Variants in SYT14 observed in about 807,000 individuals in gnomAD.
The protein encoded by SYT14 is synaptotagmin-14.
In SYT14, 32 loss-of-function variants were observed where a neutral mutation model predicts 74.2. That is an observed-to-expected ratio of 0.43 (90% CI 0.33 to 0.58). The LOEUF (loss-of-function observed/expected upper bound fraction) is 0.58, where lower values mean the gene tolerates loss of function less well. SYT14 is among the 20% of genes least tolerant of loss of function. The pLI, the probability that SYT14 is intolerant of heterozygous loss-of-function variation, is 0.05. For missense variants in SYT14, 791 were observed against 981.8 expected (o/e 0.81, Z 2.60); for synonymous variants, 298 against 337.7 (o/e 0.88, Z 1.29).
chr1:210,072,807 A>C (rs535801246), intron 5 of SYT14, among the ~76,000 whole-genome samples: 42 of 152,110 alleles, frequency 2.8e-4, no homozygotes, highest in African/African-American at 9.6e-4. Flanking sequence ...CAAATGATAC[A>C]GTAGTTAAAA....
intron 5 of SYT14, among the ~76,000 whole-genome samples, chr1:210,059,744 C>T (rs2081174023): frequency 6.6e-6 from 1 of 152,046 alleles, no homozygotes; most frequent in South Asian, 2.1e-4. Flanking sequence ...AAAGATATCT[C>T]CTTTTCTTAT....
chr1:210,065,819 G>A (rs2081285168), intron 5 of SYT14, among the ~76,000 whole-genome samples: 1 of 151,694 alleles, frequency 6.6e-6, no homozygotes, highest in African/African-American at 2.4e-5. Context: ...TTGGTGTGCT[G>A]CACCCATTAA....
intron 5 of SYT14, among the ~76,000 whole-genome samples, chr1:210,067,056 AGACT>A (rs1367549147): frequency 6.6e-6 from 1 of 151,950 alleles, no homozygotes; most frequent in African/African-American, 2.4e-5. Context: ...CATTTGTTGA[AGACT>A]GTTCTTTCCC....
intron 5 of SYT14, among the ~76,000 whole-genome samples, chr1:210,042,657 A>G (rs1331669671): frequency 2.0e-5 from 3 of 152,164 alleles, no homozygotes; most frequent in Non-Finnish European, 1.5e-5. Flanking sequence ...TTTGTCAAAG[A>G]TCAGATGGTT....
chr1:210,068,729 A>C (rs1194639256), intron 5 of SYT14, among the ~76,000 whole-genome samples: 3 of 151,740 alleles, frequency 2.0e-5, no homozygotes, highest in Admixed American at 2.0e-4. Flanking sequence ...GTTTTTAAAA[A>C]ATAATTCTTT....
At chr1:210,128,473 ATATT>A (rs1005713451) in intron 7 of SYT14, among the ~76,000 whole-genome samples, 2 of 152,206 alleles carry the variant, frequency 1.3e-5, no homozygotes, top group African/African-American at 4.8e-5. Context: ...CTCATATACA[ATATT>A]TATTTTTCCT....
At chr1:210,155,326 T>G (rs2083246470) in intron 7 of SYT14, among the ~76,000 whole-genome samples, 1 of 152,226 alleles carries the variant, frequency 6.6e-6, no homozygotes, top group Admixed American at 6.5e-5. Flanking sequence ...GTAGTTTTGT[T>G]TTGTTTATTT....
At chr1:210,100,765 T>C (rs990288678) in intron 7 of SYT14, among the ~76,000 whole-genome samples, 3 of 151,710 alleles carry the variant, frequency 2.0e-5, no homozygotes, top group African/African-American at 7.2e-5. Flanking sequence ...GATTATGAAG[T>C]CATCCAAACT....
At chr1:210,079,896 T>G (rs2081587508) in intron 5 of SYT14, among the ~76,000 whole-genome samples, 3 of 152,236 alleles carry the variant, frequency 2.0e-5, no homozygotes, top group Admixed American at 2.0e-4. Flanking sequence ...TGGACAATCT[T>G]CCTTTCAAAA....
chr1:210,073,122 T>C (rs1399241428), intron 5 of SYT14, among the ~76,000 whole-genome samples: 5 of 151,984 alleles, frequency 3.3e-5, no homozygotes, highest in African/African-American at 1.2e-4. Context: ...ATTCTAACAT[T>C]ATACAACCTT....
At chr1:210,109,448 C>T (rs1023230329) in intron 7 of SYT14, among the ~76,000 whole-genome samples, 4 of 151,726 alleles carry the variant, frequency 2.6e-5, no homozygotes, top group South Asian at 2.1e-4. Flanking sequence ...CATGGTTGCG[C>T]GCACCTGTAG....
At chr1:210,157,381 G>A (rs1427874280) in intron 8 of SYT14, among the ~76,000 whole-genome samples, 1 of 151,668 alleles carries the variant, frequency 6.6e-6, no homozygotes, top group Non-Finnish European at 1.5e-5. Context: ...GATCAAGGCT[G>A]CAGGGAGCCA....
intron 1 of SYT14, 27 bp downstream of exon 1, chr1:209,938,304 G>A: frequency 6.4e-7 from 1 of 1,551,060 alleles, no homozygotes. Context: ...AGCGGGGAGC[G>A]AGGACCGGGA....
At chr1:209,988,410 C>G (rs2079608057) in intron 2 of SYT14, among the ~76,000 whole-genome samples, 1 of 152,102 alleles carries the variant, frequency 6.6e-6, no homozygotes, top group Non-Finnish European at 1.5e-5. Context: ...TATCAATTTT[C>G]TGAGTCAGTT....
At chr1:210,080,460 G>C (rs141153846) in intron 5 of SYT14, among the ~76,000 whole-genome samples, 1 of 152,092 alleles carries the variant, frequency 6.6e-6, no homozygotes, top group African/African-American at 2.4e-5. Flanking sequence ...TTGATATCAC[G>C]TACTCTTTAT....
chr1:210,058,445 G>A (rs556224581), intron 5 of SYT14, among the ~76,000 whole-genome samples: 1 of 152,184 alleles, frequency 6.6e-6, no homozygotes, highest in African/African-American at 2.4e-5. Context: ...CTTTGAAGGA[G>A]CATGGAAAAT....
chr1:209,964,582 C>T (rs1572077285), intron 2 of SYT14, among the ~76,000 whole-genome samples: 1 of 152,158 alleles, frequency 6.6e-6, no homozygotes, highest in East Asian at 1.9e-4. Flanking sequence ...ATAAAGTATC[C>T]TCTCCTACAA....
chr1:210,107,326 A>G (rs901645843), intron 7 of SYT14, among the ~76,000 whole-genome samples: 18 of 152,306 alleles, frequency 1.2e-4, no homozygotes, highest in African/African-American at 4.1e-4. Flanking sequence ...TCTATTGACA[A>G]TTACAATTGT....
chr1:210,040,772 T>G (rs1489407327), intron 5 of SYT14, among the ~76,000 whole-genome samples: 1 of 152,190 alleles, frequency 6.6e-6, no homozygotes, highest in African/African-American at 2.4e-5. Flanking sequence ...CTTTGAAAAT[T>G]CCTAAATGGG....
Sources: allele counts gnomAD v4.1 joint callset (sites outside exome capture counted in the v4.1 genomes callset), GRCh38; gene constraint gnomAD v4.1.1; transcripts MANE v1.5; gene names NCBI Gene and HGNC (gene_info 2026-07-23, HGNC 2026-07-21).